DOCK8: variants seen among roughly 807,000 people sequenced by gnomAD.
The protein encoded by DOCK8 is dedicator of cytokinesis protein 8.
A neutral mutation model predicts 245.6 loss-of-function variants in DOCK8; 141 were observed. The ratio of observed to expected loss-of-function variants is 0.57; its 90% CI spans 0.50 to 0.66. DOCK8 has a LOEUF of 0.66. Among genes scored for constraint, DOCK8 ranks in the 30% least tolerant of loss-of-function variants. The pLI is 0.00. For missense variants in DOCK8, 2,965 were observed against 2,603.4 expected (o/e 1.14, Z -3.02); for synonymous variants, 1,168 against 970.2 (o/e 1.20, Z -3.79).
chr9:428,219 G>T, intron 34 of DOCK8, 143 bp from the exon 35 acceptor site: 1 of 1,263,220 alleles, frequency 7.9e-7, no homozygotes, highest in Non-Finnish European at 1.1e-6. Flanking sequence ...CATGGTTAAT[G>T]GATGATACCC....
chr9:424,867 G>C (rs2131673586), intron 33 of DOCK8, among the ~76,000 whole-genome samples: 1 of 152,292 alleles, frequency 6.6e-6, no homozygotes, highest in East Asian at 1.9e-4. Context: ...GGAAAAAACA[G>C]ATTAGGACAC....
intron 14 of DOCK8, chr9:366,055 G>GC (rs2052981669): frequency 1.1e-5 from 2 of 178,034 alleles, no homozygotes; most frequent in Admixed American, 5.5e-5. Context: ...GTGGGCCTCT[G>GC]CCTGCTCTGT....
chr9:386,368 G>T lies in DOCK8; in HGVS notation c.2816G>T (p.Cys939Phe). 6.2e-7 allele frequency: 1 copy of T among 1,613,878 alleles called. No homozygotes were observed. The highest frequency in any genetic ancestry group is 8.5e-7 in the Non-Finnish European group (1 of 1,179,872). The change falls in exon 23 of 48, where the codon TGC (cysteine) becomes TTC (phenylalanine). Residue 939 changes from cysteine to phenylalanine, a missense_variant. Cys to Phe is a radical substitution (Grantham distance 205, BLOSUM62 -2). Coordinates refer to ENST00000432829, the MANE Select transcript of DOCK8 (RefSeq NM_203447.4). ...AACTGCAGCCGAATGTCTTACTATT[G>T]CTCTGGCAGTAGTGATGCTCCAAGT... Reference protein sequence around the residue: ...DRNCSRMSYYCSGSSDAPSSP... With the variant: ...DRNCSRMSYYFSGSSDAPSSP...
chr9:229,437 T>A (rs1332247706), intron 1 of DOCK8, among the ~76,000 whole-genome samples: 1 of 152,124 alleles, frequency 6.6e-6, no homozygotes, highest in East Asian at 1.9e-4. Flanking sequence ...AACTTAATAA[T>A]CCCTTGAGAT....
At chr9:214,665 G>A, upstream of DOCK8, 2 of 1,600,324 alleles carry the variant, frequency 1.2e-6, no homozygotes, top group Non-Finnish European at 1.7e-6. Context: ...TCGGCCGGAG[G>A]TCGGCGGCCC....
chr9:296,714 C>G (rs565226291), intron 4 of DOCK8, among the ~76,000 whole-genome samples: 1 of 152,236 alleles, frequency 6.6e-6, no homozygotes, highest in African/African-American at 2.4e-5. Context: ...TGCTAGCTGT[C>G]AAGGTGCTTA....
At chr9:435,538 A>G (rs1334321874) in intron 39 of DOCK8, among the ~76,000 whole-genome samples, 3 of 152,220 alleles carry the variant, frequency 2.0e-5, no homozygotes, top group African/African-American at 7.2e-5. Flanking sequence ...TTTGGAAAAC[A>G]TTGGATAAAT....
chr9:399,280 C>CG, intron 26 of DOCK8, 21 bp downstream of exon 26: 1 of 1,514,478 alleles, frequency 6.6e-7, no homozygotes, highest in Non-Finnish European at 9.0e-7. Flanking sequence ...CCCCCACCCC[C>CG]ACCCCCGAGC....
rs773358426 is a variant in DOCK8, at chr9:433,723, C to G, written c.4786-152C>G. ...CCTGGGCTGGCGAAGATGAAAACTA[C>G]AGAGTCAGGTCTAGATGACTCCGCC... On this transcript the variant is annotated intron_variant, in intron 37 of 47. Transcript: ENST00000432829. The G allele has an allele frequency of 5.8e-6, 4 of 691,470 alleles. No individual in the cohort carries two copies. The South Asian group carries it at 6.2e-5, about 11-fold the overall frequency. 42.8% of individuals were successfully genotyped at this position (691,470 alleles called of 1,614,324 possible). A position where few individuals can be genotyped will look rare whatever the true frequency, so the allele number is the denominator to read the frequency against.
At position 298,415 on chromosome 9, in the gene DOCK8, A is replaced by T. The variant is rs1052587561; in HGVS notation, c.405-6166A>T. ...ACTCCAGCCTGGGTGAAGGAGCCAG[A>T]CTCTGTCTCCAAAAACAAAAACAAA... On this transcript the variant is annotated intron_variant, in intron 4 of 47. Transcript: ENST00000432829. Among the ~76,000 whole-genome samples the T allele has an allele frequency of 2.4e-4, 37 of 152,164 alleles. 1 individual carries two copies. The highest frequency in any genetic ancestry group is 2.4e-3 in the Admixed American group (37 of 15,278).
chr9:312,709 T>G (rs1048810599), intron 6 of DOCK8: 1 of 342,034 alleles, frequency 2.9e-6, no homozygotes, highest in East Asian at 7.9e-5. Context: ...TTATTGGAGC[T>G]GACTGACAAC....
chr9:449,720 C>G (rs1490104482), intron 44 of DOCK8, 64 bp from the exon 45 acceptor site: 3 of 1,610,000 alleles, frequency 1.9e-6, no homozygotes, highest in Non-Finnish European at 2.5e-6. Context: ...TGTCATAGCT[C>G]CAGGCTTGTC....
chr9:354,676 C>A (rs2052339857), intron 14 of DOCK8, among the ~76,000 whole-genome samples: 1 of 152,146 alleles, frequency 6.6e-6, no homozygotes, highest in African/African-American at 2.4e-5. Context: ...TGGCTGTTGG[C>A]AGGATGCAGT....
chr9:372,812 C>G (rs1218241678), intron 18 of DOCK8, among the ~76,000 whole-genome samples: 1 of 151,998 alleles, frequency 6.6e-6, no homozygotes, highest in Non-Finnish European at 1.5e-5. Flanking sequence ...GGTGGATCAA[C>G]TGAGGTCAGG....
At chr9:274,437 G>A (rs1037091536) in intron 2 of DOCK8, among the ~76,000 whole-genome samples, 2 of 150,860 alleles carry the variant, frequency 1.3e-5, no homozygotes, top group Non-Finnish European at 2.9e-5. Flanking sequence ...GGAGAACGGA[G>A]GCATGTGGAA....
chr9:314,823 T>G (rs2130726811), intron 6 of DOCK8, among the ~76,000 whole-genome samples: 1 of 152,320 alleles, frequency 6.6e-6, no homozygotes, highest in African/African-American at 2.4e-5. Flanking sequence ...AATATATCAT[T>G]ACTTGATTTC....
At chr9:461,062 C>T (rs56144359) in intron 46 of DOCK8, among the ~76,000 whole-genome samples, 27,063 of 152,150 alleles carry the variant, frequency 0.18, 2,898 homozygotes, top group East Asian at 0.41. Flanking sequence ...GGCAAAACTT[C>T]ATCATGTTTA....
chr9:399,266 G>GCC lies in DOCK8; in HGVS notation c.3234+7_3234+8insCC, dbSNP rs759235664. On this transcript the variant is annotated splice_region_variant and intron_variant, in intron 26 of 47. Coordinates refer to ENST00000432829, the MANE Select transcript of DOCK8 (RefSeq NM_203447.4). ...CAGACATTATTGCAGCCAGGTGAGT[G>GCC]TCCCCCCCACCCCCACCCCCGAGCG... 1.3e-6 allele frequency: 2 copies of GCC among 1,593,744 alleles called. No individual in the cohort carries two copies. Among genetic ancestry groups the GCC allele is most frequent in the African/African-American group, 2.9e-5 (2 of 69,796 alleles).
At chr9:305,554 G>A (rs1056028669) in intron 5 of DOCK8, among the ~76,000 whole-genome samples, 1 of 152,094 alleles carries the variant, frequency 6.6e-6, no homozygotes, top group African/African-American at 2.4e-5. Context: ...CAAAGTGCTG[G>A]GATTACAGGC....
Sources: gnomAD v4.1 joint callset for allele counts (sites outside exome capture counted in the v4.1 genomes callset) on GRCh38, gnomAD v4.1.1 for gene constraint, MANE v1.5 for transcripts, NCBI Gene and HGNC (gene_info 2026-07-23, HGNC 2026-07-21) for gene names.